HORMAD2: variants seen among roughly 807,000 people sequenced by gnomAD.
HORMAD2 encodes the protein HORMA domain containing 2.
HORMAD2 carries 45 observed loss-of-function variants against 38.8 expected under a neutral mutation model. The observed-to-expected ratio is 1.16, with a 90% CI of 0.91 to 1.49. HORMAD2 has a LOEUF of 1.49. Among genes scored for constraint, HORMAD2 ranks in the 40% most tolerant of loss-of-function variants. The pLI is 0.00. For synonymous variants in HORMAD2, 126 were observed against 122.8 expected (o/e 1.03, Z -0.17); for missense variants, 338 against 367.0 (o/e 0.92, Z 0.65).
chr22:30,110,471 T>C (rs909342053), intron 5 of HORMAD2, among the ~76,000 whole-genome samples: 1 of 150,526 alleles, frequency 6.6e-6, no homozygotes, highest in Non-Finnish European at 1.5e-5. Flanking sequence ...CTGCAACCTC[T>C]GCCTCCCAGG....
chr22:30,098,832 C>T lies in HORMAD2; in HGVS notation c.52-20C>T. The T allele has an allele frequency of 1.9e-6, 3 of 1,596,738 alleles. No homozygotes were observed. The highest frequency in any genetic ancestry group is 1.7e-6 in the Non-Finnish European group (2 of 1,171,750). On this transcript the variant is annotated intron_variant, in intron 2 of 10. Transcript: ENST00000336726. ...ATATTAAATAATACTAATCTTTTTTCACCTCCGTTGTTTTTCCAGGAAACA... is the reference window on the plus strand; with the variant it reads ...ATATTAAATAATACTAATCTTTTTTTACCTCCGTTGTTTTTCCAGGAAACA...
At chr22:30,108,789 CAATT>C (rs1283576433) in intron 5 of HORMAD2, among the ~76,000 whole-genome samples, 3 of 152,104 alleles carry the variant, frequency 2.0e-5, no homozygotes, top group African/African-American at 7.2e-5. Flanking sequence ...TAAATGAACT[CAATT>C]AAGTAATGTA....
chr22:30,138,224 A>G (rs1428276869), intron 10 of HORMAD2, among the ~76,000 whole-genome samples: 1 of 149,196 alleles, frequency 6.7e-6, no homozygotes, highest in Admixed American at 6.8e-5. Context: ...GGAGACATGT[A>G]TATTCGGATC....
At chr22:30,193,234 C>T in the HORMAD2 span, among the ~76,000 whole-genome samples, 27 of 152,126 alleles carry the variant, frequency 1.8e-4, no homozygotes, top group African/African-American at 6.3e-4. Context: ...CAGTGTAATG[C>T]ACTTGGCAAA....
At chr22:30,132,123 G>T (rs1221248942) in intron 10 of HORMAD2, among the ~76,000 whole-genome samples, 1 of 152,108 alleles carries the variant, frequency 6.6e-6, no homozygotes, top group Non-Finnish European at 1.5e-5. Flanking sequence ...ATTTTTTGAG[G>T]TATAGTCTGA....
At chr22:30,167,029 A>G (rs1925825811) in intron 10 of HORMAD2, among the ~76,000 whole-genome samples, 1 of 152,210 alleles carries the variant, frequency 6.6e-6, no homozygotes, top group African/African-American at 2.4e-5. Context: ...CCAGAAGTCC[A>G]AAAGCAATAT....
At chr22:30,131,808 T>G (rs1185105807) in intron 10 of HORMAD2, among the ~76,000 whole-genome samples, 3 of 152,208 alleles carry the variant, frequency 2.0e-5, no homozygotes, top group African/African-American at 7.2e-5. Flanking sequence ...TTTTCTTTTT[T>G]ATGAATTCCA....
chr22:30,177,594 T>G (rs572345376), downstream of HORMAD2, among the ~76,000 whole-genome samples: 6 of 152,312 alleles, frequency 3.9e-5, no homozygotes, highest in African/African-American at 1.4e-4. Context: ...TATAATTTCT[T>G]TGAAGAGAAT....
At chr22:30,092,020 G>A (rs945490442) in intron 1 of HORMAD2, among the ~76,000 whole-genome samples, 4 of 151,490 alleles carry the variant, frequency 2.6e-5, no homozygotes, top group Non-Finnish European at 5.9e-5. Context: ...GGGACTACAG[G>A]TGCATGCCAC....
intron 10 of HORMAD2, among the ~76,000 whole-genome samples, chr22:30,149,013 G>T (rs1158532790): frequency 6.6e-6 from 1 of 152,004 alleles, no homozygotes; most frequent in Non-Finnish European, 1.5e-5. Flanking sequence ...TTGACCCAGA[G>T]AAAATATTTG....
chr22:30,163,766 G>A (rs1175881276), intron 10 of HORMAD2, among the ~76,000 whole-genome samples: 2 of 151,904 alleles, frequency 1.3e-5, no homozygotes, highest in African/African-American at 4.8e-5. Context: ...TTTTATTTTT[G>A]TGTTGGTTTG....
At chr22:30,088,112 C>CAT (rs1307235295) in intron 1 of HORMAD2, among the ~76,000 whole-genome samples, 20 of 147,960 alleles carry the variant, frequency 1.4e-4, no homozygotes, top group Non-Finnish European at 1.9e-4. Flanking sequence ...CACACGTGTA[C>CAT]ATATACACAC....
chr22:30,177,715 C>CTTT (rs59806772), downstream of HORMAD2, among the ~76,000 whole-genome samples: 28 of 94,850 alleles, frequency 3.0e-4, no homozygotes, highest in South Asian at 4.5e-4. Flanking sequence ...TAAGGAGGAG[C>CTTT]TTTTTTTTTT....
intron 1 of HORMAD2, among the ~76,000 whole-genome samples, chr22:30,085,350 AGT>A (rs1344391185): frequency 6.6e-6 from 1 of 152,286 alleles, no homozygotes; most frequent in East Asian, 1.9e-4. Flanking sequence ...TGGAATTGAT[AGT>A]GTTTGCATTA....
chr22:30,198,828 T>G, the HORMAD2 span, among the ~76,000 whole-genome samples: 1 of 152,168 alleles, frequency 6.6e-6, no homozygotes, highest in African/African-American at 2.4e-5. Context: ...TAAAAATGAT[T>G]GTATTTATAA....
At chr22:30,095,023 A>T (rs1048191457) in intron 2 of HORMAD2, among the ~76,000 whole-genome samples, 10 of 152,148 alleles carry the variant, frequency 6.6e-5, no homozygotes, top group Non-Finnish European at 1.5e-4. Flanking sequence ...AGGCCCTAGA[A>T]ACTACATGCT....
chr22:30,085,274 G>A (rs1266020234), intron 1 of HORMAD2, among the ~76,000 whole-genome samples: 1 of 152,210 alleles, frequency 6.6e-6, no homozygotes, highest in African/African-American at 2.4e-5. Flanking sequence ...AGCGGCTGGG[G>A]AAAGGAGAGA....
At chr22:30,130,158 CTTG>C (rs1320704448) in intron 10 of HORMAD2, among the ~76,000 whole-genome samples, 4 of 152,110 alleles carry the variant, frequency 2.6e-5, no homozygotes, top group South Asian at 2.1e-4. Context: ...ACACAATCAT[CTTG>C]TTGTGAGACC....
chr22:30,196,487 G>C, the HORMAD2 span, among the ~76,000 whole-genome samples: 1 of 152,182 alleles, frequency 6.6e-6, no homozygotes, highest in Non-Finnish European at 1.5e-5. Flanking sequence ...CATCACCATC[G>C]CGGTGGCCAG....
Sources: gnomAD v4.1 joint callset for allele counts (sites outside exome capture counted in the v4.1 genomes callset) on GRCh38, gnomAD v4.1.1 for gene constraint, MANE v1.5 for transcripts, NCBI Gene and HGNC (gene_info 2026-07-23, HGNC 2026-07-21) for gene names.